The following CD200 variants were observed in gnomAD, a reference collection of about 807,000 sequenced individuals.
The protein encoded by CD200 is CD200 molecule.
CD200 carries 15 observed loss-of-function variants against 30.9 expected under a neutral mutation model. That is an observed-to-expected ratio of 0.49 (90% CI 0.32 to 0.75). The LOEUF (loss-of-function observed/expected upper bound fraction) is 0.75, where lower values mean the gene tolerates loss of function less well. CD200 is among the 30% of genes least tolerant of loss of function. The pLI, the probability that CD200 is intolerant of heterozygous loss-of-function variation, is 0.03. For synonymous variants in CD200, 134 were observed against 126.2 expected (o/e 1.06, Z -0.41); for missense variants, 262 against 324.2 (o/e 0.81, Z 1.47).
At position 112,347,849 on chromosome 3, in the gene CD200, G is replaced by A; in HGVS notation, c.694+19G>A. On this transcript the variant is annotated intron_variant, in intron 4 of 5. Transcript: ENST00000315711. ...AACAAAGGTAAGAGAAAGTGAGCAA[G>A]GTGGCTGTGGTTGTGTCTGTGTGCA... The A allele has an allele frequency of 6.2e-7, 1 of 1,606,646 alleles. No homozygotes were observed. Among genetic ancestry groups the A allele is most frequent in the Admixed American group, 1.7e-5 (1 of 59,896 alleles).
chr3:112,333,670 C>T (rs1035593659), intron 1 of CD200: 6 of 985,264 alleles, frequency 6.1e-6, no homozygotes. Flanking sequence ...AAAGCTGCGG[C>T]GGAGATACAG....
intron 1 of CD200, chr3:112,334,159 T>C (rs2081061290): frequency 5.1e-6 from 5 of 985,250 alleles, no homozygotes; most frequent in Non-Finnish European, 4.8e-6. Flanking sequence ...AATTATTACC[T>C]CGTTTTACAC....
At chr3:112,333,342 G>A in intron 1 of CD200, 118 bp downstream of exon 1, 2 of 1,462,712 alleles carry the variant, frequency 1.4e-6, no homozygotes, top group South Asian at 1.4e-5. Flanking sequence ...AATCTGGTCC[G>A]GGGACTAGAT....
chr3:112,360,698 C>G (rs953463680), intron 5 of CD200, among the ~76,000 whole-genome samples: 1 of 152,068 alleles, frequency 6.6e-6, no homozygotes, highest in South Asian at 2.1e-4. Context: ...AAACAATTAC[C>G]TAAGATTACA....
In CD200 at chr3:112,362,713, T is replaced by TTATATA. The variant is rs3083146; in HGVS notation, c.*1172_*1177dup. 1 of 150,510 alleles carries TTATATA rather than the reference T, an allele frequency of 6.6e-6. No homozygotes were observed. The highest frequency in any genetic ancestry group is 1.5e-5 in the Non-Finnish European group (1 of 67,426). 9.3% of individuals were successfully genotyped at this position (150,510 alleles called of 1,614,324 possible). Reference sequence around the variant, plus strand: ...TTGTTTTCGCTGTTAAATTGGATATTTATATATATATATAGCAAGATTTTC... The same window carrying TTATATA: ...TTGTTTTCGCTGTTAAATTGGATATTTATATATATATATATATATAGCAAGATTTTC... On this transcript the variant is annotated 3_prime_UTR_variant, in exon 6 of 6. Transcript: ENST00000315711.
At chr3:112,351,803 C>A (rs1576618262) in intron 5 of CD200, among the ~76,000 whole-genome samples, 1 of 152,292 alleles carries the variant, frequency 6.6e-6, no homozygotes, top group East Asian at 1.9e-4. Context: ...ACAGTGCCAA[C>A]ATCTGCTTCT....
intron 5 of CD200, among the ~76,000 whole-genome samples, chr3:112,361,087 A>G (rs2081731562): frequency 6.6e-6 from 1 of 152,088 alleles, no homozygotes; most frequent in African/African-American, 2.4e-5. Flanking sequence ...CTGGGGCTGG[A>G]GTGCGGTGGT....
In CD200 at chr3:112,346,082, G is replaced by T. The variant is rs1234357003; in HGVS notation, c.421+794G>T. Among the ~76,000 whole-genome samples, 8 of 151,914 alleles carry T rather than the reference G, an allele frequency of 5.3e-5. No individual in the cohort carries two copies. In the East Asian group the frequency reaches 1.5e-3, roughly 29 times the overall value. On this transcript the variant is annotated intron_variant, in intron 3 of 5. Coordinates refer to ENST00000315711, the MANE Select transcript of CD200 (RefSeq NM_005944.7). ...ATAATATTGCCCACAGGGAAGAAAA[G>T]GCTTAGTAGATGAGAATGCAAGGGA...
intron 1 of CD200, among the ~76,000 whole-genome samples, chr3:112,339,922 G>A (rs1393136907): frequency 6.6e-6 from 1 of 152,192 alleles, no homozygotes; most frequent in Admixed American, 6.5e-5. Flanking sequence ...GGCATTTTGT[G>A]AACCCCCAGG....
intron 4 of CD200, among the ~76,000 whole-genome samples, chr3:112,348,092 A>G (rs2081442963): frequency 6.6e-6 from 1 of 152,214 alleles, no homozygotes; most frequent in Non-Finnish European, 1.5e-5. Context: ...CACTCTACTA[A>G]CATGTAATTA....
intron 1 of CD200, among the ~76,000 whole-genome samples, chr3:112,338,479 T>C (rs933728464): frequency 1.6e-4 from 24 of 152,118 alleles, no homozygotes; most frequent in African/African-American, 5.8e-4. Flanking sequence ...TTTCAAGTCA[T>C]TGAAAGAATG....
In CD200 at chr3:112,347,769, G is replaced by A. The variant is rs755301927; in HGVS notation, c.633G>A (p.Glu211=). 275 of 1,613,782 alleles carry A rather than the reference G, an allele frequency of 1.7e-4. 1 individual carries two copies. The South Asian group carries it at 1.9e-3, about 11-fold the overall frequency. The change falls in exon 4 of 6, where the codon GAG becomes GAA. Residue 211 remains glutamate (E), a synonymous_variant. Transcript: ENST00000315711. Reference sequence around the variant, plus strand: ...ACCCTAAGAATCAGGTGGGGAAGGAGGTGATCTGCCAGGTGCTGCACCTGG... The same window carrying A: ...ACCCTAAGAATCAGGTGGGGAAGGAAGTGATCTGCCAGGTGCTGCACCTGG... ...IKDPKNQVGK[E]VICQVLHLGT... is the part of the protein sequence containing the mutation.
At chr3:112,357,894 T>TA (rs2081657803) in intron 5 of CD200, among the ~76,000 whole-genome samples, 1 of 152,216 alleles carries the variant, frequency 6.6e-6, no homozygotes, top group Non-Finnish European at 1.5e-5. Flanking sequence ...TTTCTAATAT[T>TA]AAACATTGAA....
At chr3:112,336,626 A>T (rs2108421495) in intron 1 of CD200, among the ~76,000 whole-genome samples, 1 of 152,174 alleles carries the variant, frequency 6.6e-6, no homozygotes, top group South Asian at 2.1e-4. Flanking sequence ...CCAATATTCT[A>T]GAAATAAGCT....
At chr3:112,342,128 C>A (rs2081251893) in intron 2 of CD200, among the ~76,000 whole-genome samples, 1 of 151,814 alleles carries the variant, frequency 6.6e-6, no homozygotes, top group Non-Finnish European at 1.5e-5. Flanking sequence ...TTTTGTGTAC[C>A]ATTTTATTAG....
chr3:112,332,874 C>T (rs2081027287), upstream of CD200: 2 of 339,368 alleles, frequency 5.9e-6, no homozygotes, highest in African/African-American at 2.2e-5. Flanking sequence ...CAACCTCCCA[C>T]CTCATTTCCT....
rs1355840862 is a variant in CD200, at chr3:112,347,757, G to A, written c.621G>A (p.Gln207=). 1 of 1,613,822 alleles carries A rather than the reference G, an allele frequency of 6.2e-7. No homozygotes were observed. Among genetic ancestry groups the A allele is most frequent in the African/African-American group, 1.3e-5 (1 of 74,874 alleles). ...TCCATATCAAAGACCCTAAGAATCA[G>A]GTGGGGAAGGAGGTGATCTGCCAGG... ...SILHIKDPKN[Q]VGKEVICQVL... The change falls in exon 4 of 6, where the codon CAG becomes CAA. Residue 207 remains glutamine (Q), a synonymous_variant. Coordinates refer to ENST00000315711, the MANE Select transcript of CD200 (RefSeq NM_005944.7).
intron 3 of CD200, 163 bp from the exon 4 acceptor site, chr3:112,347,395 C>A: frequency 5.0e-6 from 1 of 201,614 alleles, no homozygotes; most frequent in Non-Finnish European, 8.8e-6. Flanking sequence ...AAATTAGACA[C>A]AAGAGGAACT....
At chr3:112,333,127 A>C, upstream of CD200, 1 of 1,534,094 alleles carries the variant, frequency 6.5e-7, no homozygotes. Context: ...CGGCAGGGGC[A>C]CAGGTGACGC....
Sources: gnomAD v4.1 joint callset for allele counts (sites outside exome capture counted in the v4.1 genomes callset) on GRCh38, gnomAD v4.1.1 for gene constraint, MANE v1.5 for transcripts, NCBI Gene and HGNC (gene_info 2026-07-23, HGNC 2026-07-21) for gene names.